The following LIN7A variants were observed in gnomAD, a reference collection of about 807,000 sequenced individuals.
LIN7A encodes lin-7 cell polarity scaffold A.
LIN7A carries 25 observed loss-of-function variants against 29.8 expected under a neutral mutation model. That is an observed-to-expected ratio of 0.84 (90% CI 0.61 to 1.17). LIN7A has a LOEUF of 1.17. Ranked by LOEUF, LIN7A falls within the 50% of genes most tolerant of loss-of-function variation. The probability of loss-of-function intolerance (pLI) is 0.00; values close to 1 mark genes in which losing one functional copy is unlikely to be tolerated. For synonymous variants in LIN7A, 118 were observed against 107.5 expected (o/e 1.10, Z -0.60); for missense variants, 239 against 287.0 (o/e 0.83, Z 1.21).
At chr12:80,809,704 C>T (rs76721359) in intron 5 of LIN7A, among the ~76,000 whole-genome samples, 461 of 152,220 alleles carry the variant, frequency 3.0e-3, no homozygotes, top group Admixed American at 4.4e-3. Flanking sequence ...GGGCATAGGG[C>T]ATAGTAGGAA....
At chr12:80,853,468 A>G (rs1873434205) in intron 2 of LIN7A, among the ~76,000 whole-genome samples, 1 of 152,212 alleles carries the variant, frequency 6.6e-6, no homozygotes, top group African/African-American at 2.4e-5. Flanking sequence ...GTCAAAAGCC[A>G]AAAAGTAAAC....
intron 2 of LIN7A, among the ~76,000 whole-genome samples, chr12:80,883,631 TTG>T (rs1411988240): frequency 2.0e-5 from 3 of 152,210 alleles, no homozygotes; most frequent in African/African-American, 7.2e-5. Flanking sequence ...AATCCATTGA[TTG>T]TGTAATTATT....
chr12:80,922,532 C>T (rs1459825053), intron 1 of LIN7A, among the ~76,000 whole-genome samples: 2 of 152,190 alleles, frequency 1.3e-5, no homozygotes, highest in South Asian at 2.1e-4. Flanking sequence ...CTGAATGTCA[C>T]AGTCATGATC....
intron 1 of LIN7A, among the ~76,000 whole-genome samples, chr12:80,934,645 A>G (rs1878108820): frequency 6.6e-6 from 1 of 152,248 alleles, no homozygotes; most frequent in Non-Finnish European, 1.5e-5. Context: ...ATATCCATGT[A>G]TGATGTCAAA....
chr12:80,861,462 C>T, intron 2 of LIN7A: 1 of 154,358 alleles, frequency 6.5e-6, no homozygotes. Context: ...ACAGATGGGG[C>T]AGTTGGCTTC....
Position 80,936,483 on chromosome 12 carries a change from T to A in LIN7A, c.82+1158A>T, listed in dbSNP as rs566266617. On this transcript the variant is annotated intron_variant, in intron 1 of 5. Transcript: ENST00000552864. ...TCAGTTTAATCCTCTAGAAAGAAAA[T>A]TTTTAGAGGTACATCGGACTAAATC... 2.0e-5 allele frequency: 3 copies of A among 152,140 alleles called. No homozygotes were observed. The South Asian group carries it at 6.2e-4, about 31-fold the overall frequency. 9.4% of individuals were successfully genotyped at this position (152,140 alleles called of 1,614,324 possible). A position where few individuals can be genotyped will look rare whatever the true frequency, so the allele number is the denominator to read the frequency against.
intron 1 of LIN7A, among the ~76,000 whole-genome samples, chr12:80,914,429 A>C (rs548080459): frequency 6.6e-6 from 1 of 152,288 alleles, no homozygotes; most frequent in South Asian, 2.1e-4. Context: ...TAAAGCACGA[A>C]TCTTCCCCAT....
chr12:80,932,733 A>G (rs1051313019), intron 1 of LIN7A, among the ~76,000 whole-genome samples: 5 of 152,332 alleles, frequency 3.3e-5, no homozygotes, highest in South Asian at 2.1e-4. Flanking sequence ...TGACCTTGAG[A>G]TGAAAAGTGA....
At chr12:80,837,426 C>G (rs990994945) in intron 4 of LIN7A, among the ~76,000 whole-genome samples, 1 of 151,664 alleles carries the variant, frequency 6.6e-6, no homozygotes, top group Admixed American at 6.6e-5. Context: ...GGAGATTTGG[C>G]GCAGAGAAGA....
chr12:80,807,081 T>TTTGTTTGTTTGTTTG (rs1555221381), intron 5 of LIN7A, among the ~76,000 whole-genome samples: 2 of 135,582 alleles, frequency 1.5e-5, no homozygotes, highest in Non-Finnish European at 1.5e-5. Flanking sequence ...TTTTTTTTTT[T>TTTGTTTGTTTGTTTG]TTTTTTTTTT....
chr12:80,807,481 A>G (rs1377909394), intron 5 of LIN7A, among the ~76,000 whole-genome samples: 3 of 152,134 alleles, frequency 2.0e-5, no homozygotes, highest in Non-Finnish European at 4.4e-5. Flanking sequence ...TTGAATGAGC[A>G]TAATATTGGA....
chr12:80,807,477 G>C lies in LIN7A; in HGVS notation c.*3988C>G, dbSNP rs188730570. On this transcript the variant is annotated intron_variant, in intron 5 of 5. Transcript: ENST00000552864. ...CGTATACTTTTAAAGATGATTGAAT[G>C]AGCATAATATTGGAAGTCTTTAGTA... Among the ~76,000 whole-genome samples the C allele has an allele frequency of 8.7e-5, 13 of 149,844 alleles. No homozygotes were observed. The East Asian group carries it at 2.5e-3, about 29-fold the overall frequency.
intron 1 of LIN7A, chr12:80,937,264 G>T: frequency 4.9e-6 from 1 of 204,280 alleles, no homozygotes. Context: ...CTGGGCTCTG[G>T]CCGGGCGAGC....
chr12:80,929,295 A>G (rs938145551), intron 1 of LIN7A, among the ~76,000 whole-genome samples: 3 of 152,228 alleles, frequency 2.0e-5, no homozygotes, highest in Middle Eastern at 3.2e-3. Context: ...TGAAGGCTAC[A>G]TTCATTTCCT....
intron 4 of LIN7A, among the ~76,000 whole-genome samples, chr12:80,834,559 T>G (rs979782491): frequency 6.6e-6 from 1 of 152,158 alleles, no homozygotes; most frequent in Non-Finnish European, 1.5e-5. Flanking sequence ...ATGTGATTCA[T>G]TTGCAAATTT....
At chr12:80,919,226 AAC>A (rs1247056713) in intron 1 of LIN7A, among the ~76,000 whole-genome samples, 1 of 152,208 alleles carries the variant, frequency 6.6e-6, no homozygotes, top group Non-Finnish European at 1.5e-5. Context: ...CCCATCTGGG[AAC>A]ACAGTTTCTT....
In LIN7A at chr12:80,818,228, G is replaced by A. The variant is rs1189219301; in HGVS notation, c.484-6545C>T. ...GGCTGGAGTGCAGTGGCCGGATCTT[G>A]GCTCACTGCAAGCTCCGCCTCCCCA... is the stretch of plus-strand genomic sequence containing the variant. On this transcript the variant is annotated intron_variant, in intron 4 of 5. Transcript: ENST00000552864. Among the ~76,000 whole-genome samples, 8 of 152,162 alleles carry A rather than the reference G, an allele frequency of 5.3e-5. No homozygotes were observed. In the South Asian group the frequency reaches 1.5e-3, roughly 28 times the overall value.
chr12:80,857,494 C>G (rs1455700784), intron 2 of LIN7A, among the ~76,000 whole-genome samples: 1 of 152,118 alleles, frequency 6.6e-6, no homozygotes, highest in South Asian at 2.1e-4. Flanking sequence ...AACCTCATGT[C>G]TACTTCTTAC....
At chr12:80,819,251 A>C (rs1234199386) in intron 4 of LIN7A, among the ~76,000 whole-genome samples, 1 of 152,250 alleles carries the variant, frequency 6.6e-6, no homozygotes, top group Non-Finnish European at 1.5e-5. Flanking sequence ...TGTAGTATAC[A>C]TTATTCAGAA....
Sources: allele counts gnomAD v4.1 joint callset (sites outside exome capture counted in the v4.1 genomes callset), GRCh38; gene constraint gnomAD v4.1.1; transcripts MANE v1.5; gene names NCBI Gene and HGNC (gene_info 2026-07-23, HGNC 2026-07-21).